The following SAMD3 variants were observed in gnomAD, a reference collection of about 807,000 sequenced individuals.
SAMD3 encodes sterile alpha motif domain containing 3.
Under a neutral mutation model 58.5 loss-of-function variants are expected in SAMD3, and 63 were observed. The ratio of observed to expected loss-of-function variants is 1.08; its 90% CI spans 0.88 to 1.33. The LOEUF is 1.33. SAMD3 is among the 40% of genes most tolerant of loss of function. The pLI, the probability that SAMD3 is intolerant of heterozygous loss-of-function variation, is 0.00. For missense variants in SAMD3, 604 were observed against 608.4 expected, an observed-to-expected ratio of 0.99 and a Z score of 0.08; for synonymous variants, 220 against 210.3, an observed-to-expected ratio of 1.05 and a Z score of -0.40.
At chr6:130,350,594 C>T (rs896882949) in intron 1 of SAMD3, among the ~76,000 whole-genome samples, 11 of 152,192 alleles carry the variant, frequency 7.2e-5, no homozygotes, top group African/African-American at 2.7e-4. Context: ...AATGGAAGAA[C>T]ATTCCACGCT....
intron 1 of SAMD3, among the ~76,000 whole-genome samples, chr6:130,340,885 A>T (rs57760731): frequency 0.013 from 2,008 of 152,196 alleles, 39 homozygotes; most frequent in African/African-American, 0.046. Context: ...TTTCTTAAAC[A>T]TTTTTGTTTA....
At chr6:130,167,452 T>C (rs771415082) in intron 8 of SAMD3, among the ~76,000 whole-genome samples, 2 of 152,146 alleles carry the variant, frequency 1.3e-5, no homozygotes, top group African/African-American at 4.8e-5. Context: ...CTAAGGATTA[T>C]GACAAAAAAA....
chr6:130,277,665 T>C (rs565852525), intron 2 of SAMD3, among the ~76,000 whole-genome samples: 12 of 152,306 alleles, frequency 7.9e-5, no homozygotes, highest in East Asian at 1.9e-4. Context: ...CAGGTACAGA[T>C]TGGATGTTCT....
intron 1 of SAMD3, among the ~76,000 whole-genome samples, chr6:130,320,261 T>C (rs547070167): frequency 3.9e-5 from 6 of 152,206 alleles, no homozygotes; most frequent in Non-Finnish European, 5.9e-5. Flanking sequence ...AGAAGCTTCA[T>C]CAAAGAAGAT....
chr6:130,264,096 T>C (rs1774245135), intron 2 of SAMD3, among the ~76,000 whole-genome samples: 1 of 152,210 alleles, frequency 6.6e-6, no homozygotes, highest in Admixed American at 6.5e-5. Context: ...AAAGCAATTG[T>C]TATGCTTGTG....
At chr6:130,221,251 T>G (rs1281483180) in intron 1 of SAMD3, among the ~76,000 whole-genome samples, 1 of 152,144 alleles carries the variant, frequency 6.6e-6, no homozygotes, top group Non-Finnish European at 1.5e-5. Flanking sequence ...ATTCCTCAGA[T>G]AAGTTAAATA....
intron 2 of SAMD3, among the ~76,000 whole-genome samples, chr6:130,287,889 G>A (rs1775214501): frequency 1.3e-5 from 2 of 150,896 alleles, no homozygotes; most frequent in East Asian, 3.9e-4. Flanking sequence ...AGGTTGCAGT[G>A]AGCTGAGATC....
At chr6:130,309,936 G>A (rs1410320685) in intron 2 of SAMD3, among the ~76,000 whole-genome samples, 3 of 152,232 alleles carry the variant, frequency 2.0e-5, no homozygotes, top group East Asian at 1.9e-4. Context: ...GAGAGAGAGG[G>A]AGAGAGAGAG....
At chr6:130,338,245 C>A (rs1294934206) in intron 1 of SAMD3, among the ~76,000 whole-genome samples, 1 of 152,202 alleles carries the variant, frequency 6.6e-6, no homozygotes, top group African/African-American at 2.4e-5. Flanking sequence ...AGTGTTTGGC[C>A]TTTGGATGCA....
intron 1 of SAMD3, among the ~76,000 whole-genome samples, chr6:130,342,957 C>T (rs980165876): frequency 6.6e-6 from 1 of 152,044 alleles, no homozygotes; most frequent in Non-Finnish European, 1.5e-5. Context: ...ATACAAGGAA[C>T]AAGACTTTTC....
chr6:130,174,651 A>C (rs2114664796), intron 8 of SAMD3, among the ~76,000 whole-genome samples: 1 of 152,362 alleles, frequency 6.6e-6, no homozygotes, highest in Admixed American at 6.5e-5. Context: ...TTAAGAACAT[A>C]AAAGATTGCC....
intron 8 of SAMD3, among the ~76,000 whole-genome samples, chr6:130,175,431 G>T (rs1401459825): frequency 6.6e-6 from 1 of 152,120 alleles, no homozygotes; most frequent in Non-Finnish European, 1.5e-5. Flanking sequence ...ATGCATGTGG[G>T]TTATTTCTTC....
chr6:130,149,475 C>T (rs1562365872), intron 9 of SAMD3, among the ~76,000 whole-genome samples: 2 of 152,112 alleles, frequency 1.3e-5, no homozygotes, highest in Non-Finnish European at 2.9e-5. Context: ...AGATGCCCAT[C>T]AATAGCAGAC....
At chr6:130,230,300 A>C (rs1484968080) in intron 2 of SAMD3, among the ~76,000 whole-genome samples, 1 of 152,014 alleles carries the variant, frequency 6.6e-6, no homozygotes, top group Non-Finnish European at 1.5e-5. Flanking sequence ...GGGCAGGGGG[A>C]CTTTTTTGTG....
At chr6:130,301,839 A>G (rs1775758787) in intron 2 of SAMD3, among the ~76,000 whole-genome samples, 1 of 152,170 alleles carries the variant, frequency 6.6e-6, no homozygotes, top group East Asian at 1.9e-4. Flanking sequence ...ACAAAAATAA[A>G]CAATGGAGGA....
chr6:130,200,448 C>T (rs1038913523), intron 5 of SAMD3, among the ~76,000 whole-genome samples: 4 of 149,206 alleles, frequency 2.7e-5, no homozygotes, highest in African/African-American at 7.4e-5. Flanking sequence ...ACTTGGGAGG[C>T]TGAGGCAGGA....
intron 2 of SAMD3, among the ~76,000 whole-genome samples, chr6:130,299,770 A>G (rs1163653883): frequency 2.6e-5 from 4 of 152,190 alleles, no homozygotes; most frequent in Non-Finnish European, 5.9e-5. Flanking sequence ...TGACAGAGGT[A>G]GCACTAGCAT....
intron 2 of SAMD3, among the ~76,000 whole-genome samples, chr6:130,273,114 G>T (rs997348887): frequency 4.0e-5 from 6 of 151,560 alleles, no homozygotes; most frequent in African/African-American, 1.5e-4. Flanking sequence ...GTGACATGAA[G>T]CTTTTTATTA....
Position 130,303,475 on chromosome 6 carries a change from T to C in SAMD3, c.-188+9503A>G, listed in dbSNP as rs115202489. Among the ~76,000 whole-genome samples the C allele has an allele frequency of 3.0e-3, 459 of 152,322 alleles. 5 individuals are homozygous for C. Among genetic ancestry groups the C allele is most frequent in the African/African-American group, 0.011 (445 of 41,584 alleles). On this transcript the variant is annotated intron_variant, in intron 2 of 13. Transcript: ENST00000368134. ...GTTAACTCTATATTCCTCCTCAATC[T>C]GAACCTTTTCCTCTCCCAGGCCTTT...
Sources: allele counts gnomAD v4.1 joint callset (sites outside exome capture counted in the v4.1 genomes callset), GRCh38; gene constraint gnomAD v4.1.1; transcripts MANE v1.5; gene names NCBI Gene and HGNC (gene_info 2026-07-23, HGNC 2026-07-21).